The following SUMF1 variants were observed in gnomAD, a reference collection of about 807,000 sequenced individuals.
SUMF1 encodes formylglycine-generating enzyme.
A neutral mutation model predicts 47.6 loss-of-function variants in SUMF1; 48 were observed. That is an observed-to-expected ratio of 1.01 (90% CI 0.80 to 1.28). The LOEUF is 1.28. SUMF1 is among the 50% of genes most tolerant of loss of function. The probability of loss-of-function intolerance (pLI) is 0.00; values close to 1 mark genes in which losing one functional copy is unlikely to be tolerated. For missense variants in SUMF1, 571 were observed against 485.4 expected (o/e 1.18, Z -1.66); for synonymous variants, 230 against 192.1 (o/e 1.20, Z -1.63).
At chr3:4,268,499 CTTTTT>C (rs61066874) in intron 8 of SUMF1, among the ~76,000 whole-genome samples, 1 of 117,314 alleles carries the variant, frequency 8.5e-6, no homozygotes, top group African/African-American at 3.1e-5. Context: ...AAATGTTTTT[CTTTTT>C]TTTTTTTTTT....
At chr3:4,273,047 G>C (rs1697333855) in intron 8 of SUMF1, among the ~76,000 whole-genome samples, 1 of 151,388 alleles carries the variant, frequency 6.6e-6, no homozygotes, top group Non-Finnish European at 1.5e-5. Flanking sequence ...GTGACAGAGT[G>C]AGGCTCTGTC....
At chr3:4,061,189 T>C (rs547719049) in intron 9 of SUMF1, among the ~76,000 whole-genome samples, 2 of 152,330 alleles carry the variant, frequency 1.3e-5, no homozygotes, top group Admixed American at 6.5e-5. Context: ...AATTGTCCCA[T>C]AGCACTGATG....
chr3:4,256,351 A>G lies in SUMF1; in HGVS notation c.1014+119979T>C, dbSNP rs541694944. On this transcript the variant is annotated intron_variant and NMD_transcript_variant, in intron 8 of 12. Coordinates refer to the SUMF1 transcript ENST00000448413. ...AGCTGGTTTTTTGAAAGGATCAACA[A>G]AATTGATAGACCACTAGCAAGACTG... 1.8e-3 allele frequency among the ~76,000 whole-genome samples: 189 copies of G among 105,436 alleles called. 9 individuals are homozygous for G. Among genetic ancestry groups the G allele is most frequent in the Non-Finnish European group, 2.8e-3 (137 of 48,602 alleles). The allele number at this position is 105,436 out of a possible 152,430, so 69.2% of individuals were successfully genotyped here.
chr3:4,133,539 G>C (rs1314902411), intron 8 of SUMF1, among the ~76,000 whole-genome samples: 1 of 152,122 alleles, frequency 6.6e-6, no homozygotes, highest in African/African-American at 2.4e-5. Context: ...GCAAAAGGCA[G>C]ACCCACCCTT....
intron 3 of SUMF1, among the ~76,000 whole-genome samples, chr3:4,442,997 C>T (rs985925178): frequency 2.0e-5 from 3 of 151,648 alleles, no homozygotes; most frequent in Non-Finnish European, 2.9e-5. Flanking sequence ...TGAGGTAGGC[C>T]GGGCATGGTG....
intron 8 of SUMF1, among the ~76,000 whole-genome samples, chr3:4,207,815 C>G (rs1362768225): frequency 6.6e-6 from 1 of 152,146 alleles, no homozygotes; most frequent in East Asian, 1.9e-4. Flanking sequence ...CTTACTAGAA[C>G]AGAAACTCAC....
chr3:4,430,646 T>C (rs898697136), intron 3 of SUMF1, among the ~76,000 whole-genome samples: 2 of 152,116 alleles, frequency 1.3e-5, no homozygotes, highest in African/African-American at 4.8e-5. Context: ...ACTCCTGTGC[T>C]AGCCCCCGGG....
chr3:4,261,878 T>C (rs1244284897), intron 8 of SUMF1, among the ~76,000 whole-genome samples: 4 of 152,162 alleles, frequency 2.6e-5, no homozygotes, highest in African/African-American at 7.2e-5. Context: ...ACAGCAAGCA[T>C]TCCATTCTAC....
At chr3:4,366,843 G>T (rs1453623800) in intron 8 of SUMF1, among the ~76,000 whole-genome samples, 5 of 151,998 alleles carry the variant, frequency 3.3e-5, no homozygotes, top group African/African-American at 1.2e-4. Context: ...CCCATCTTTG[G>T]GGTTTTATCT....
At chr3:4,262,038 G>T (rs1263769500) in intron 8 of SUMF1, among the ~76,000 whole-genome samples, 1 of 152,078 alleles carries the variant, frequency 6.6e-6, no homozygotes, top group Non-Finnish European at 1.5e-5. Flanking sequence ...TTTCAAAATG[G>T]CCAAAACTGA....
chr3:4,367,411 C>T (rs903930609), intron 8 of SUMF1, among the ~76,000 whole-genome samples: 4 of 152,188 alleles, frequency 2.6e-5, no homozygotes, highest in Non-Finnish European at 4.4e-5. Flanking sequence ...TTATACTGCC[C>T]AAGGTAATTT....
At chr3:4,452,763 C>T (rs369078377) in intron 2 of SUMF1, 113 bp downstream of exon 2, 5 of 1,256,274 alleles carry the variant, frequency 4.0e-6, no homozygotes, top group African/African-American at 1.5e-5. Context: ...ATGCTTCACA[C>T]AGTTCTGCCA....
At chr3:4,422,385 A>G (rs1458302328) in intron 3 of SUMF1, among the ~76,000 whole-genome samples, 7 of 152,198 alleles carry the variant, frequency 4.6e-5, no homozygotes, top group Non-Finnish European at 8.8e-5. Flanking sequence ...AAAAATAAAA[A>G]TAAAAAAGCT....
In SUMF1 at chr3:4,099,896, G is replaced by GA. The variant is rs138100557; in HGVS notation, c.1015-31152dup. ...ATACATAGGTGTAAATTAAACTAAG[G>GA]AAAAAAAAGATGTGTATACTGAAAA... On this transcript the variant is annotated intron_variant and NMD_transcript_variant, in intron 8 of 12. Transcript: ENST00000448413. Among the ~76,000 whole-genome samples, 297 of 150,568 alleles carry GA rather than the reference G, an allele frequency of 2.0e-3. 3 individuals carry two copies. Among genetic ancestry groups the GA allele is most frequent in the African/African-American group, 6.9e-3 (285 of 41,082 alleles).
At chr3:4,446,995 GT>G (rs1412509661) in intron 3 of SUMF1, among the ~76,000 whole-genome samples, 1 of 152,126 alleles carries the variant, frequency 6.6e-6, no homozygotes, top group South Asian at 2.1e-4. Context: ...GAGAAGCAGG[GT>G]ACTGGCTACT....
intron 8 of SUMF1, among the ~76,000 whole-genome samples, chr3:4,371,460 T>G (rs1688390): frequency 0.93 from 140,972 of 152,244 alleles, 65,648 homozygotes; most frequent in Non-Finnish European, 0.98. Context: ...GACTTTTTGG[T>G]ACAAAGGGCA....
chr3:4,322,260 T>C (rs1372852514), intron 8 of SUMF1, among the ~76,000 whole-genome samples: 1 of 152,150 alleles, frequency 6.6e-6, no homozygotes, highest in African/African-American at 2.4e-5. Flanking sequence ...GATGTATCAA[T>C]ATTGGTTCTT....
At position 4,402,543 on chromosome 3, in the gene SUMF1, G is replaced by C. The variant is rs113024029; in HGVS notation, c.954+8322C>G. On this transcript the variant is annotated intron_variant, in intron 7 of 8. Coordinates refer to ENST00000272902, the MANE Select transcript of SUMF1 (RefSeq NM_182760.4). ...GCCCGATACTACAGTGGATACTCAGGAAATGTAGGCTGACTCCAGTGCTAC... is the reference window on the plus strand; with the variant it reads ...GCCCGATACTACAGTGGATACTCAGCAAATGTAGGCTGACTCCAGTGCTAC... Among the ~76,000 whole-genome samples the C allele has an allele frequency of 2.5e-3, 383 of 152,310 alleles. 3 individuals carry two copies. Among genetic ancestry groups the C allele is most frequent in the African/African-American group, 8.7e-3 (360 of 41,568 alleles).
chr3:4,305,789 A>G (rs184692064), intron 8 of SUMF1, among the ~76,000 whole-genome samples: 16 of 152,324 alleles, frequency 1.1e-4, no homozygotes, highest in Admixed American at 9.1e-4. Context: ...TTTGGGCAAG[A>G]TAAGAAAAAA....
Sources: gnomAD v4.1 joint callset for allele counts (sites outside exome capture counted in the v4.1 genomes callset) on GRCh38, gnomAD v4.1.1 for gene constraint, MANE v1.5 for transcripts, NCBI Gene and HGNC (gene_info 2026-07-23, HGNC 2026-07-21) for gene names.